PLXNA4: variants seen among roughly 807,000 people sequenced by gnomAD.
The protein encoded by PLXNA4 is plexin-A4.
PLXNA4 carries 44 observed loss-of-function variants against 191.8 expected under a neutral mutation model. That is an observed-to-expected ratio of 0.23 (90% CI 0.18 to 0.29). The LOEUF (loss-of-function observed/expected upper bound fraction) is 0.29. PLXNA4 is among the 10% of genes least tolerant of loss of function. PLXNA4 has a pLI of 1.00. For missense variants in PLXNA4, 1,800 were observed against 2,488.8 expected (o/e 0.72, Z 5.89); for synonymous variants, 1,082 against 1,009.5 (o/e 1.07, Z -1.36).
intron 26 of PLXNA4, among the ~76,000 whole-genome samples, chr7:132,148,258 T>A (rs567536331): frequency 6.6e-6 from 1 of 152,290 alleles, no homozygotes; most frequent in South Asian, 2.1e-4. Context: ...AGTGCTTCCC[T>A]GGAAGATGAC....
At chr7:132,535,727 C>T (rs1039724989) in intron 1 of PLXNA4, among the ~76,000 whole-genome samples, 1 of 152,106 alleles carries the variant, frequency 6.6e-6, no homozygotes, top group African/African-American at 2.4e-5. Context: ...CCAAGATCCC[C>T]TCTGCAGGCC....
chr7:132,619,616 T>A (rs1195457641), intron 2 of PLXNA4, among the ~76,000 whole-genome samples: 2 of 152,244 alleles, frequency 1.3e-5, no homozygotes, highest in African/African-American at 4.8e-5. Flanking sequence ...AAAGTGGCAA[T>A]GACTGTCTTA....
At chr7:132,258,110 G>A (rs2116213847) in intron 4 of PLXNA4, among the ~76,000 whole-genome samples, 1 of 152,350 alleles carries the variant, frequency 6.6e-6, no homozygotes, top group South Asian at 2.1e-4. Context: ...GGCCACCCTG[G>A]TCTGCCCTCA....
At chr7:132,276,880 C>T (rs543831506) in intron 4 of PLXNA4, among the ~76,000 whole-genome samples, 7 of 152,226 alleles carry the variant, frequency 4.6e-5, no homozygotes, top group African/African-American at 7.2e-5. Context: ...TCTGTTTTTA[C>T]GGCCAGTGGG....
intron 4 of PLXNA4, among the ~76,000 whole-genome samples, chr7:132,279,720 T>C (rs2116385813): frequency 6.6e-6 from 1 of 152,342 alleles, no homozygotes; most frequent in East Asian, 1.9e-4. Flanking sequence ...CTTTACTCTA[T>C]GTTTAATACT....
At chr7:132,289,138 G>C (rs1386131990) in intron 4 of PLXNA4, among the ~76,000 whole-genome samples, 1 of 152,196 alleles carries the variant, frequency 6.6e-6, no homozygotes, top group Non-Finnish European at 1.5e-5. Flanking sequence ...CTTCCCTCCA[G>C]AGAGGCTGGC....
At chr7:132,580,905 G>T (rs1469952315), upstream of PLXNA4, among the ~76,000 whole-genome samples, 6 of 152,192 alleles carry the variant, frequency 3.9e-5, no homozygotes, top group Non-Finnish European at 7.3e-5. Context: ...GGCGCCACCT[G>T]CAGGACAGCA....
chr7:132,594,911 GTAGATAGATAGATAGATAGATAGA>G (rs71178042), intron 2 of PLXNA4, among the ~76,000 whole-genome samples: 2,059 of 137,874 alleles, frequency 0.015, 28 homozygotes, highest in Non-Finnish European at 0.018. Context: ...AGATAGATAG[GTAGATAGATAGATAGATAGATAGA>G]TAGATAGATA....
intron 30 of PLXNA4, among the ~76,000 whole-genome samples, 195 bp downstream of exon 30, chr7:132,140,404 C>A (rs1795233931): frequency 6.6e-6 from 1 of 152,128 alleles, no homozygotes; most frequent in Non-Finnish European, 1.5e-5. Context: ...AACCTCTGGC[C>A]AAGTTTTCCT....
chr7:132,145,844 C>T (rs953378638), intron 28 of PLXNA4, among the ~76,000 whole-genome samples: 6 of 145,862 alleles, frequency 4.1e-5, no homozygotes, highest in Admixed American at 1.4e-4. Flanking sequence ...CTGAGGCGGA[C>T]GGATCATTTG....
At chr7:132,493,648 G>A (rs1272089923) in intron 2 of PLXNA4, among the ~76,000 whole-genome samples, 2 of 152,018 alleles carry the variant, frequency 1.3e-5, no homozygotes, top group Admixed American at 6.6e-5. Context: ...CCCTAGCTTA[G>A]TGCCTGGCTT....
chr7:132,541,375 G>C (rs568819431), intron 1 of PLXNA4, among the ~76,000 whole-genome samples: 2 of 152,256 alleles, frequency 1.3e-5, no homozygotes, highest in Non-Finnish European at 1.5e-5. Context: ...GGTGCTGCTG[G>C]AATGCTAACG....
intron 10 of PLXNA4, 47 bp from the exon 11 acceptor site, chr7:132,203,466 G>C (rs757872319): frequency 7.2e-6 from 11 of 1,521,302 alleles, no homozygotes; most frequent in Non-Finnish European, 9.1e-6. Context: ...GGGTCACAGA[G>C]AGTTCTAGAG....
At chr7:132,355,845 G>C (rs1403337292) in intron 3 of PLXNA4, among the ~76,000 whole-genome samples, 1 of 152,090 alleles carries the variant, frequency 6.6e-6, no homozygotes, top group Non-Finnish European at 1.5e-5. Flanking sequence ...CAGAAGGAGG[G>C]AGTATTCATT....
intron 2 of PLXNA4, among the ~76,000 whole-genome samples, chr7:132,642,811 A>G (rs912869153): frequency 6.6e-6 from 1 of 152,220 alleles, no homozygotes; most frequent in Non-Finnish European, 1.5e-5. Context: ...AAAAACCAAC[A>G]TGGAACTCTT....
intron 31 of PLXNA4, among the ~76,000 whole-genome samples, chr7:132,131,742 A>C (rs1036785563): frequency 6.6e-6 from 1 of 152,248 alleles, no homozygotes; most frequent in Admixed American, 6.5e-5. Context: ...ACACTGGTGC[A>C]CACTATAGCA....
chr7:132,220,873 C>CT (rs1263931938), intron 9 of PLXNA4, among the ~76,000 whole-genome samples: 5 of 138,332 alleles, frequency 3.6e-5, no homozygotes. Context: ...AGTGTAGTGG[C>CT]TTGCTCATGG....
In PLXNA4 at chr7:132,478,246, C is replaced by T. The variant is rs1343827784; in HGVS notation, c.1371+11046G>A. Among the ~76,000 whole-genome samples the T allele has an allele frequency of 2.6e-5, 4 of 152,282 alleles. No homozygotes were observed. In the East Asian group the frequency reaches 7.7e-4, roughly 29 times the overall value. On this transcript the variant is annotated intron_variant, in intron 3 of 31. Transcript: ENST00000321063. ...GAGGTTTAAGATGTATCTTTCTCTC[C>T]CAAGTCTGGTGTGTCTGGGAAAAGA...
At chr7:132,515,121 T>TC (rs1585256392) in intron 1 of PLXNA4, among the ~76,000 whole-genome samples, 1 of 123,200 alleles carries the variant, frequency 8.1e-6, no homozygotes, top group East Asian at 2.7e-4. Flanking sequence ...ATAGGGATAC[T>TC]AGGGGAGAAA....
Sources: allele counts gnomAD v4.1 joint callset (sites outside exome capture counted in the v4.1 genomes callset), GRCh38; gene constraint gnomAD v4.1.1; transcripts MANE v1.5; gene names NCBI Gene and HGNC (gene_info 2026-07-23, HGNC 2026-07-21).